Variants in SLC15A2 observed in about 807,000 individuals in gnomAD.
The protein encoded by SLC15A2 is kidney H(+)/peptide cotransporter.
Under a neutral mutation model 95.5 loss-of-function variants are expected in SLC15A2, and 77 were observed. That is an observed-to-expected ratio of 0.81 (90% CI 0.67 to 0.97). The LOEUF (loss-of-function observed/expected upper bound fraction) is 0.97, where lower values mean the gene tolerates loss of function less well. Ranked by LOEUF, SLC15A2 falls within the 50% of genes least tolerant of loss-of-function variation. The pLI, the probability that SLC15A2 is intolerant of heterozygous loss-of-function variation, is 0.00. For missense variants in SLC15A2, 893 were observed against 874.4 expected (o/e 1.02, Z -0.27); for synonymous variants, 306 against 306.9 (o/e 1.00, Z 0.03).
At chr3:121,921,759 T>C (rs1205330512) in intron 7 of SLC15A2, among the ~76,000 whole-genome samples, 2 of 152,044 alleles carry the variant, frequency 1.3e-5, no homozygotes, top group African/African-American at 4.8e-5. Context: ...AAAGTACAAG[T>C]TGTGAAGTCC....
At chr3:121,929,427 A>G (rs1576688302) in intron 17 of SLC15A2, 79 bp downstream of exon 17, 1 of 1,461,186 alleles carries the variant, frequency 6.8e-7, no homozygotes, top group East Asian at 2.3e-5. Flanking sequence ...GCTGCATTCT[A>G]CTTGTTCTGA....
At chr3:121,904,892 T>A (rs1213358949) in intron 3 of SLC15A2, among the ~76,000 whole-genome samples, 1 of 152,236 alleles carries the variant, frequency 6.6e-6, no homozygotes, top group East Asian at 1.9e-4. Context: ...TTCTCTCTTT[T>A]TCTATTGATT....
intron 3 of SLC15A2, among the ~76,000 whole-genome samples, chr3:121,903,063 G>T (rs982967200): frequency 6.6e-6 from 1 of 152,178 alleles, no homozygotes; most frequent in Non-Finnish European, 1.5e-5. Flanking sequence ...GTGTGAGATG[G>T]TATCTCATTG....
chr3:121,920,706 G>C (rs771574779), intron 7 of SLC15A2, among the ~76,000 whole-genome samples: 1 of 152,196 alleles, frequency 6.6e-6, no homozygotes, highest in Non-Finnish European at 1.5e-5. Context: ...GATGCTATTT[G>C]GAGAAGCTTT....
intron 19 of SLC15A2, among the ~76,000 whole-genome samples, 200 bp downstream of exon 19, chr3:121,931,935 C>T (rs6775183): frequency 0.025 from 3,872 of 152,234 alleles, 146 homozygotes; most frequent in African/African-American, 0.088. Context: ...GTTTCGCTCT[C>T]ATCGCGCAGG....
chr3:121,915,005 G>A, intron 5 of SLC15A2: 1 of 1,311,822 alleles, frequency 7.6e-7, no homozygotes, highest in Non-Finnish European at 9.7e-7. Context: ...TGAAAAGGGA[G>A]GAAAAGAATG....
intron 7 of SLC15A2, among the ~76,000 whole-genome samples, chr3:121,917,179 T>C (rs944591640): frequency 1.3e-5 from 2 of 152,328 alleles, no homozygotes; most frequent in Middle Eastern, 3.4e-3. Flanking sequence ...ACCTATTGTG[T>C]GCCATATTAT....
chr3:121,914,857 CAAAA>C (rs59852441), intron 5 of SLC15A2: 49 of 158,842 alleles, frequency 3.1e-4, no homozygotes, highest in Non-Finnish European at 3.8e-4. Context: ...GACTCCATCT[CAAAA>C]AAAAAAAAAA....
intron 1 of SLC15A2, 83 bp downstream of exon 1, chr3:121,894,664 C>A: frequency 9.5e-7 from 1 of 1,047,240 alleles, no homozygotes; most frequent in South Asian, 1.3e-5. Flanking sequence ...GAGCTTCCAG[C>A]TGAGCTGTAT....
chr3:121,938,950 G>A (rs1044522270), intron 19 of SLC15A2, among the ~76,000 whole-genome samples: 2 of 152,210 alleles, frequency 1.3e-5, no homozygotes, highest in African/African-American at 4.8e-5. Flanking sequence ...AGCCTGAGAA[G>A]TATAATCTCT....
At chr3:121,939,959 C>T (rs1387504334) in intron 20 of SLC15A2, among the ~76,000 whole-genome samples, 1 of 152,012 alleles carries the variant, frequency 6.6e-6, no homozygotes, top group Non-Finnish European at 1.5e-5. Flanking sequence ...GCGCACACCA[C>T]CATTCCTGGC....
intron 16 of SLC15A2, 44 bp downstream of exon 16, chr3:121,929,190 T>C (rs762311778): frequency 6.2e-7 from 1 of 1,604,970 alleles, no homozygotes; most frequent in South Asian, 1.1e-5. Flanking sequence ...CATCTCAAAG[T>C]AATATGACTG....
chr3:121,928,688 T>C, intron 15 of SLC15A2, 133 bp downstream of exon 15: 2 of 1,017,126 alleles, frequency 2.0e-6, no homozygotes, highest in Non-Finnish European at 2.9e-6. Flanking sequence ...TTAATGGGCA[T>C]ATAATATTCC....
chr3:121,930,811 TG>T, intron 17 of SLC15A2, 28 bp from the exon 18 acceptor site: 1 of 1,433,682 alleles, frequency 7.0e-7, no homozygotes, highest in Non-Finnish European at 9.8e-7. Context: ...CCTGTTTGTT[TG>T]ATATGTAAAT....
At chr3:121,910,207 T>TG (rs1709735364) in intron 3 of SLC15A2, among the ~76,000 whole-genome samples, 1 of 149,884 alleles carries the variant, frequency 6.7e-6, no homozygotes, top group Non-Finnish European at 1.5e-5. Flanking sequence ...TTTTTTTTTT[T>TG]TTTTTTGAGA....
chr3:121,924,229 G>A, intron 11 of SLC15A2, 122 bp from the exon 12 acceptor site: 1 of 792,256 alleles, frequency 1.3e-6, no homozygotes, highest in East Asian at 2.4e-5. Flanking sequence ...CTGAACCAAA[G>A]ACCTGATGAA....
chr3:121,929,065 C>T lies in SLC15A2; in HGVS notation c.1425C>T (p.Leu475=), dbSNP rs774748807. ...HFHLKYHNLS[L]YTEHSVQEKN... ...ACCTGAAATATCACAATTTGTCTCT[C>T]TACACTGAGCATTCTGTGCAGGAGA... Residue 475 remains leucine (L), a synonymous_variant, in exon 16 of 22, where the codon CTC becomes CTT. Coordinates refer to ENST00000489711, the MANE Select transcript of SLC15A2 (RefSeq NM_021082.4). 6.2e-7 allele frequency: 1 copy of T among 1,614,160 alleles called. No individual in the cohort carries two copies. Among genetic ancestry groups the T allele is most frequent in the Admixed American group, 1.7e-5 (1 of 60,026 alleles).
chr3:121,903,157 G>A (rs1158613784), intron 3 of SLC15A2, among the ~76,000 whole-genome samples: 1 of 152,204 alleles, frequency 6.6e-6, no homozygotes, highest in Non-Finnish European at 1.5e-5. Flanking sequence ...GTCTTCTTTT[G>A]AAAAGTGTCT....
At chr3:121,913,151 A>T in intron 5 of SLC15A2, 31 bp downstream of exon 5, 2 of 1,548,530 alleles carry the variant, frequency 1.3e-6, no homozygotes, top group Non-Finnish European at 1.8e-6. Context: ...TATTTTCAAG[A>T]ATATAGAGCC....
Sources: allele counts gnomAD v4.1 joint callset (sites outside exome capture counted in the v4.1 genomes callset), GRCh38; gene constraint gnomAD v4.1.1; transcripts MANE v1.5; gene names NCBI Gene and HGNC (gene_info 2026-07-23, HGNC 2026-07-21).